EMB: variants seen among roughly 807,000 people sequenced by gnomAD.
The protein encoded by EMB is embigin.
In EMB, 31 loss-of-function variants were observed where a neutral mutation model predicts 41.4. The ratio of observed to expected loss-of-function variants is 0.75; its 90% confidence interval spans 0.56 to 1.01. The LOEUF is 1.01. EMB is among the 50% of genes least tolerant of loss of function. The probability of loss-of-function intolerance (pLI) is 0.00; values close to 1 mark genes in which losing one functional copy is unlikely to be tolerated. For synonymous variants in EMB, 137 were observed against 140.4 expected (o/e 0.98, Z 0.17); for missense variants, 379 against 388.3 (o/e 0.98, Z 0.20).
intron 2 of EMB, among the ~76,000 whole-genome samples, chr5:50,420,186 A>G (rs944830662): frequency 2.0e-5 from 3 of 152,200 alleles, no homozygotes; most frequent in Non-Finnish European, 2.9e-5. Flanking sequence ...AATTTAAAAA[A>G]TAAAATACAA....
rs536543166 is a variant in EMB, at chr5:50,399,123, T to C, written c.*150A>G. ...AAAATATACCTTTAGATCTGACATA[T>C]ATCGTTGATGAAGCTCCTGCTGAGC... On this transcript the variant is annotated 3_prime_UTR_variant, in exon 9 of 9. Transcript: ENST00000303221. 227 of 1,011,882 alleles carry C rather than the reference T, an allele frequency of 2.2e-4. No homozygotes were observed. The African/African-American group carries it at 3.2e-3, about 14-fold the overall frequency. 62.7% of individuals were successfully genotyped at this position (1,011,882 alleles called of 1,614,324 possible).
chr5:50,431,770 C>T (rs1332237279), intron 1 of EMB, among the ~76,000 whole-genome samples: 1 of 152,076 alleles, frequency 6.6e-6, no homozygotes, highest in Non-Finnish European at 1.5e-5. Flanking sequence ...ACAAAAATAT[C>T]AACATGAAAG....
chr5:50,412,661 A>G (rs970116460), intron 2 of EMB, among the ~76,000 whole-genome samples: 2 of 133,336 alleles, frequency 1.5e-5, no homozygotes, highest in South Asian at 2.5e-4. Flanking sequence ...ATGTTTTGGT[A>G]ACTTTTGTCC....
intron 5 of EMB, among the ~76,000 whole-genome samples, chr5:50,405,182 T>A (rs1745228227): frequency 6.6e-6 from 1 of 151,976 alleles, no homozygotes; most frequent in Non-Finnish European, 1.5e-5. Flanking sequence ...AAAAAAGGAA[T>A]TAAAAGTATT....
At position 50,399,228 on chromosome 5, in the gene EMB, G is replaced by A. The variant is rs367704753; in HGVS notation, c.*45C>T. On this transcript the variant is annotated 3_prime_UTR_variant, in exon 9 of 9. Coordinates refer to ENST00000303221, the MANE Select transcript of EMB (RefSeq NM_198449.3). ...GGAAGGATAAACAAAGCTGAAATACGAACTCTGTATATCTTCCAATGATTC... is the reference window on the plus strand; with the variant it reads ...GGAAGGATAAACAAAGCTGAAATACAAACTCTGTATATCTTCCAATGATTC... 4.9e-5 allele frequency: 78 copies of A among 1,599,954 alleles called. No homozygotes were observed. Among genetic ancestry groups the A allele is most frequent in the African/African-American group, 1.5e-4 (11 of 74,170 alleles).
intron 2 of EMB, among the ~76,000 whole-genome samples, chr5:50,418,209 G>A (rs1288720441): frequency 6.6e-6 from 1 of 152,194 alleles, no homozygotes; most frequent in Non-Finnish European, 1.5e-5. Context: ...GAAAACTATA[G>A]TAAATGGTTA....
At chr5:50,403,104 A>G (rs1745191421) in intron 6 of EMB, 74 bp downstream of exon 6, 2 of 1,353,992 alleles carry the variant, frequency 1.5e-6, no homozygotes, top group Non-Finnish European at 2.0e-6. Flanking sequence ...AATCCATATC[A>G]TAAGTAAATG....
intron 2 of EMB, among the ~76,000 whole-genome samples, chr5:50,422,613 CTA>C (rs1745542951): frequency 6.6e-6 from 1 of 152,108 alleles, no homozygotes; most frequent in Non-Finnish European, 1.5e-5. Context: ...AAACATAAAA[CTA>C]TATCATAAAT....
chr5:50,440,533 CAAAAAAAAAA>C lies in EMB; in HGVS notation c.112+497_112+506del, dbSNP rs70972912. 2.0e-3 allele frequency among the ~76,000 whole-genome samples: 119 copies of C among 60,052 alleles called. 1 individual carries two copies. Among genetic ancestry groups the C allele is most frequent in the Admixed American group, 3.5e-3 (16 of 4,516 alleles). The allele number at this position is 60,052 out of a possible 152,430, so 39.4% of individuals were successfully genotyped here. The stretch of plus-strand genomic sequence containing the variant: ...GGGCAACAAGAGTAAAACTCCGTCT[CAAAAAAAAAA>C]AAAAAAAAAAAAAAAAAATCCTCAA... On this transcript the variant is annotated intron_variant, in intron 1 of 8. Transcript: ENST00000303221.
At chr5:50,435,332 A>G (rs962986074) in intron 1 of EMB, among the ~76,000 whole-genome samples, 2 of 152,134 alleles carry the variant, frequency 1.3e-5, no homozygotes, top group African/African-American at 4.8e-5. Context: ...ATGAAGCACC[A>G]TCTCATCCCC....
At chr5:50,410,830 A>T (rs761138161) in intron 4 of EMB, 47 bp downstream of exon 4, 4 of 1,145,210 alleles carry the variant, frequency 3.5e-6, no homozygotes, top group Non-Finnish European at 5.0e-6. Context: ...AAATCTAAGA[A>T]CATAATGCTG....
intron 1 of EMB, among the ~76,000 whole-genome samples, chr5:50,429,576 T>C (rs1745679655): frequency 6.6e-6 from 1 of 152,182 alleles, no homozygotes; most frequent in Admixed American, 6.5e-5. Context: ...TTTAATCACT[T>C]CTAAAACAGC....
intron 1 of EMB, among the ~76,000 whole-genome samples, chr5:50,429,704 G>A (rs1745681635): frequency 6.6e-6 from 1 of 152,032 alleles, no homozygotes; most frequent in African/African-American, 2.4e-5. Context: ...AAGAAAAAAA[G>A]TCCTTAAATA....
In EMB at chr5:50,411,047, T is replaced by C. The variant is rs903280011; in HGVS notation, c.384-82A>G. 1.5e-5 allele frequency: 18 copies of C among 1,235,204 alleles called. No individual in the cohort carries two copies. In the African/African-American group the frequency reaches 2.8e-4, roughly 19 times the overall value. The allele number at this position is 1,235,204 out of a possible 1,614,324, so 76.5% of individuals were successfully genotyped here. ...GAAAAGACTTAGCCATTAATAAAAA[T>C]TTAAAAAGAGAAATAATTCTGTAAA... is the stretch of plus-strand genomic sequence containing the variant. On this transcript the variant is annotated intron_variant, in intron 3 of 8. Transcript: ENST00000303221.
In EMB at chr5:50,401,634, A is replaced by G. The variant is rs187741299; in HGVS notation, c.911+652T>C. 1.2e-3 allele frequency among the ~76,000 whole-genome samples: 176 copies of G among 152,090 alleles called. 1 individual carries two copies. Among genetic ancestry groups the G allele is most frequent in the Non-Finnish European group, 2.0e-3 (139 of 67,944 alleles). ...GCCAAACTAAATTACATCCCTGGTGATTTTATTTCCAGACCTCCTCATGCT... is the reference window on the plus strand; with the variant it reads ...GCCAAACTAAATTACATCCCTGGTGGTTTTATTTCCAGACCTCCTCATGCT... On this transcript the variant is annotated intron_variant, in intron 7 of 8. Transcript: ENST00000303221.
chr5:50,421,327 A>T (rs1260636688), intron 2 of EMB, among the ~76,000 whole-genome samples: 1 of 152,216 alleles, frequency 6.6e-6, no homozygotes, highest in Non-Finnish European at 1.5e-5. Context: ...GAGAAATGCA[A>T]ATCAAAACCA....
intron 1 of EMB, among the ~76,000 whole-genome samples, chr5:50,433,037 C>T (rs1745747477): frequency 6.6e-6 from 1 of 151,858 alleles, no homozygotes; most frequent in South Asian, 2.1e-4. Flanking sequence ...GAGATCGCAT[C>T]ACTGCACTCC....
Sources: gnomAD v4.1 joint callset for allele counts (sites outside exome capture counted in the v4.1 genomes callset) on GRCh38, gnomAD v4.1.1 for gene constraint, MANE v1.5 for transcripts, NCBI Gene and HGNC (gene_info 2026-07-23, HGNC 2026-07-21) for gene names.